Variants in SPRYD7 observed in about 807,000 individuals in gnomAD.
SPRYD7 encodes SPRY domain-containing protein 7.
In SPRYD7, 14 loss-of-function variants were observed where a neutral mutation model predicts 23.8. The observed-to-expected ratio is 0.59, with a 90% CI of 0.39 to 0.92. The LOEUF (loss-of-function observed/expected upper bound fraction) is 0.92, where lower values mean the gene tolerates loss of function less well. Ranked by LOEUF, SPRYD7 falls within the 40% of genes least tolerant of loss-of-function variation. The pLI, the probability that SPRYD7 is intolerant of heterozygous loss-of-function variation, is 0.00. For synonymous variants in SPRYD7, 75 were observed against 84.9 expected, an observed-to-expected ratio of 0.88 and a Z score of 0.64; for missense variants, 194 against 241.7, an observed-to-expected ratio of 0.80 and a Z score of 1.31.
intron 4 of SPRYD7, among the ~76,000 whole-genome samples, chr13:49,918,344 G>T (rs181232909): frequency 1.3e-5 from 2 of 152,190 alleles, no homozygotes; most frequent in Admixed American, 6.5e-5. Flanking sequence ...TTACAGGCAT[G>T]AGTCATTGCA....
chr13:49,933,697 T>C (rs1323831179), intron 1 of SPRYD7, among the ~76,000 whole-genome samples: 1 of 152,158 alleles, frequency 6.6e-6, no homozygotes, highest in African/African-American at 2.4e-5. Flanking sequence ...TTCTCTTAAG[T>C]ACACAGACGG....
intron 2 of SPRYD7, among the ~76,000 whole-genome samples, chr13:49,930,151 A>C (rs139931265): frequency 1.4e-3 from 207 of 152,332 alleles, no homozygotes; most frequent in Admixed American, 4.1e-3. Flanking sequence ...ACAGTTAACT[A>C]ACCTATTATA....
intron 1 of SPRYD7, 46 bp from the exon 2 acceptor site, chr13:49,931,180 T>C: frequency 7.8e-7 from 1 of 1,285,744 alleles, no homozygotes; most frequent in Non-Finnish European, 1.1e-6. Flanking sequence ...TATTTTCTTT[T>C]CTTTTCTTTT....
At chr13:49,936,087 G>T in intron 1 of SPRYD7, 43 bp downstream of exon 1, 1 of 1,276,902 alleles carries the variant, frequency 7.8e-7, no homozygotes. Flanking sequence ...CGCCGCGCCC[G>T]GCCCCCGTGA....
chr13:49,928,737 A>G (rs1201012340), intron 2 of SPRYD7, among the ~76,000 whole-genome samples: 1 of 152,228 alleles, frequency 6.6e-6, no homozygotes, highest in Admixed American at 6.5e-5. Flanking sequence ...GCACACAGTA[A>G]GTATTCAGAA....
intron 4 of SPRYD7, among the ~76,000 whole-genome samples, chr13:49,916,971 G>T (rs1317422562): frequency 6.6e-6 from 1 of 152,194 alleles, no homozygotes; most frequent in Non-Finnish European, 1.5e-5. Context: ...TAAGGTAGAA[G>T]GCAAGGCATT....
At chr13:49,920,458 T>A (rs1955805496) in intron 4 of SPRYD7, among the ~76,000 whole-genome samples, 1 of 152,188 alleles carries the variant, frequency 6.6e-6, no homozygotes, top group African/African-American at 2.4e-5. Flanking sequence ...TCATTCCCAA[T>A]GACTTGCAGA....
chr13:49,929,991 T>C (rs936545909), intron 2 of SPRYD7, among the ~76,000 whole-genome samples: 2 of 151,868 alleles, frequency 1.3e-5, no homozygotes, highest in Non-Finnish European at 2.9e-5. Context: ...GGTTTCGCCA[T>C]GTTGGCCAGG....
At chr13:49,931,192 T>C (rs1369603472) in intron 1 of SPRYD7, 58 bp from the exon 2 acceptor site, 7 of 1,212,024 alleles carry the variant, frequency 5.8e-6, no homozygotes, top group Non-Finnish European at 7.1e-6. Context: ...TTTTCTTTTC[T>C]TTTTTGAGAC....
intron 4 of SPRYD7, among the ~76,000 whole-genome samples, chr13:49,919,561 C>T (rs1955793467): frequency 6.7e-6 from 1 of 148,278 alleles, no homozygotes; most frequent in African/African-American, 2.5e-5. Flanking sequence ...CAAAACAATA[C>T]AAAAAAACCC....
chr13:49,925,700 T>C (rs1403791703), intron 3 of SPRYD7, among the ~76,000 whole-genome samples: 1 of 151,730 alleles, frequency 6.6e-6, no homozygotes, highest in Non-Finnish European at 1.5e-5. Flanking sequence ...TAGTCCCAGC[T>C]ACTCAGGAGG....
chr13:49,933,161 C>T (rs961619746), intron 1 of SPRYD7, among the ~76,000 whole-genome samples: 1 of 152,216 alleles, frequency 6.6e-6, no homozygotes, highest in Admixed American at 6.5e-5. Flanking sequence ...CTGACTCAAT[C>T]TCTGCTTCAG....
intron 4 of SPRYD7, 37 bp downstream of exon 4, chr13:49,921,441 A>G: frequency 3.2e-6 from 4 of 1,258,294 alleles, no homozygotes; most frequent in Non-Finnish European, 4.7e-6. Context: ...ACAAGTTAAT[A>G]TGTATGTAAT....
intron 4 of SPRYD7, among the ~76,000 whole-genome samples, chr13:49,918,979 G>A (rs546503882): frequency 2.8e-4 from 43 of 151,558 alleles, no homozygotes; most frequent in African/African-American, 9.9e-4. Context: ...GCCTCCCAAA[G>A]TGTTGGGATT....
chr13:49,934,635 A>G (rs1871534946), intron 1 of SPRYD7, among the ~76,000 whole-genome samples: 1 of 152,046 alleles, frequency 6.6e-6, no homozygotes, highest in Non-Finnish European at 1.5e-5. Flanking sequence ...ACATTACTCT[A>G]TTTCATCCAG....
At position 49,927,316 on chromosome 13, in the gene SPRYD7, G is replaced by A. The variant is rs371840145; in HGVS notation, c.390+603C>T. Reference sequence around the variant, plus strand: ...TCGAGATCAGCCTGGCCAACATGGCGAAACCCCGTCTCTACTAAAAATAAA... The same window carrying A: ...TCGAGATCAGCCTGGCCAACATGGCAAAACCCCGTCTCTACTAAAAATAAA... On this transcript the variant is annotated intron_variant, in intron 3 of 4. Coordinates refer to ENST00000361840, the MANE Select transcript of SPRYD7 (RefSeq NM_020456.4). 2.1e-3 allele frequency among the ~76,000 whole-genome samples: 315 copies of A among 152,098 alleles called. 1 individual carries two copies. The highest frequency in any genetic ancestry group is 7.1e-3 in the African/African-American group (294 of 41,492).
At chr13:49,923,710 T>C (rs1307845689) in intron 3 of SPRYD7, among the ~76,000 whole-genome samples, 1 of 152,040 alleles carries the variant, frequency 6.6e-6, no homozygotes, top group Non-Finnish European at 1.5e-5. Flanking sequence ...TGGAGCGCAG[T>C]GGCGCGACCT....
chr13:49,925,798 C>T (rs1236073266), intron 3 of SPRYD7, among the ~76,000 whole-genome samples: 2 of 148,496 alleles, frequency 1.3e-5, no homozygotes, highest in Non-Finnish European at 1.5e-5. Flanking sequence ...GGTGACAGAG[C>T]GAGTGGCCAT....
chr13:49,925,585 G>A (rs1270454597), intron 3 of SPRYD7, among the ~76,000 whole-genome samples: 1 of 152,060 alleles, frequency 6.6e-6, no homozygotes, highest in African/African-American at 2.4e-5. Context: ...GCCGAGGTGG[G>A]CAGATCATGA....
Sources: gnomAD v4.1 joint callset for allele counts (sites outside exome capture counted in the v4.1 genomes callset) on GRCh38, gnomAD v4.1.1 for gene constraint, MANE v1.5 for transcripts, NCBI Gene and HGNC (gene_info 2026-07-23, HGNC 2026-07-21) for gene names.